Variants in TATDN2 observed in about 807,000 individuals in gnomAD.
TATDN2 encodes TatD DNase domain containing 2.
Under a neutral mutation model 60.3 loss-of-function variants are expected in TATDN2, and 44 were observed. That is an observed-to-expected ratio of 0.73 (90% confidence interval 0.57 to 0.94). TATDN2 has a LOEUF of 0.94. Ranked by LOEUF, TATDN2 falls within the 40% of genes least tolerant of loss-of-function variation. The pLI is 0.00. For synonymous variants in TATDN2, 399 were observed against 355.8 expected (o/e 1.12, Z -1.37); for missense variants, 997 against 948.0 (o/e 1.05, Z -0.68).
At chr3:10,252,131 G>A (rs1019646778) in intron 2 of TATDN2, among the ~76,000 whole-genome samples, 11 of 133,856 alleles carry the variant, frequency 8.2e-5, no homozygotes, top group Admixed American at 2.4e-4. Context: ...CTGGGCAACA[G>A]AGTGAGACTC....
At chr3:10,264,225 T>TCCAGTTCCC (rs1211374498) in intron 3 of TATDN2, among the ~76,000 whole-genome samples, 1 of 152,176 alleles carries the variant, frequency 6.6e-6, no homozygotes, top group African/African-American at 2.4e-5. Flanking sequence ...CTCCAGTTCC[T>TCCAGTTCCC]CCAGTTCCCA....
intron 2 of TATDN2, among the ~76,000 whole-genome samples, chr3:10,253,319 G>C (rs1698258208): frequency 6.6e-6 from 1 of 152,138 alleles, no homozygotes; most frequent in African/African-American, 2.4e-5. Context: ...TAAACTTTGA[G>C]GGTTACACAG....
At chr3:10,253,462 C>T (rs60840309) in intron 2 of TATDN2, among the ~76,000 whole-genome samples, 7,587 of 152,272 alleles carry the variant, frequency 0.05, 641 homozygotes, top group African/African-American at 0.17. Context: ...GACCTCACAT[C>T]GTTCCCTTCT....
In TATDN2 at chr3:10,278,851, C is replaced by T. The variant is rs186061295; in HGVS notation, c.2146-34C>T. The T allele has an allele frequency of 1.2e-6, 2 of 1,613,806 alleles. No individual in the cohort carries two copies. Among genetic ancestry groups the T allele is most frequent in the South Asian group, 2.2e-5 (2 of 91,068 alleles). ...CTAGATTATGACTGTGCACACATGG[C>T]ACAATGATGTTATGACCACTTGATG... On this transcript the variant is annotated intron_variant, in intron 6 of 7. Transcript: ENST00000448281. This position sits in a 1 kb window ranked among gnomAD's most constrained non-coding sequence, Gnocchi z 4.7.
Position 10,270,680 on chromosome 3 carries a change from T to G in TATDN2, c.1498T>G (p.Cys500Gly), listed in dbSNP as rs1479771529. The change falls in exon 4 of 8, where the codon TGT (cysteine) becomes GGT (glycine). Residue 500 changes from cysteine (C) to glycine (G), a missense_variant. Coordinates refer to ENST00000448281, the MANE Select transcript of TATDN2 (RefSeq NM_014760.4). ...SLEEGFIDTH[C>G]HLDMLYSKLS... ...AGAGGAGGGCTTCATTGACACTCAT[T>G]GTCACCTGGACATGCTCTATTCCAA... The G allele has an allele frequency of 6.2e-7, 1 of 1,614,120 alleles. No homozygotes were observed. Among genetic ancestry groups the G allele is most frequent in the Non-Finnish European group, 8.5e-7 (1 of 1,180,052 alleles).
intron 2 of TATDN2, among the ~76,000 whole-genome samples, chr3:10,257,862 TTTTTTTTTTTTTTTG>T (rs1407445510): frequency 0.052 from 5,286 of 102,066 alleles, 433 homozygotes; most frequent in African/African-American, 0.19. Context: ...TTTTTTTTTT[TTTTTTTTTTTTTTTG>T]GGAGATGGAG....
At chr3:10,262,855 C>G (rs1466187431) in intron 3 of TATDN2, among the ~76,000 whole-genome samples, 1 of 152,018 alleles carries the variant, frequency 6.6e-6, no homozygotes, top group East Asian at 1.9e-4. Context: ...TTCTTGATGT[C>G]TGAAGCTATG....
chr3:10,252,925 C>G (rs967206132), intron 2 of TATDN2, among the ~76,000 whole-genome samples: 3 of 147,000 alleles, frequency 2.0e-5, no homozygotes, highest in Admixed American at 1.4e-4. Context: ...GGTGCAATCT[C>G]GGCTCACTGC....
intron 4 of TATDN2, among the ~76,000 whole-genome samples, chr3:10,275,528 A>G (rs897002629): frequency 6.6e-6 from 1 of 152,074 alleles, no homozygotes; most frequent in African/African-American, 2.4e-5. Flanking sequence ...CGGGCAGATC[A>G]GTTGAGGTTA....
In TATDN2 at chr3:10,249,143, T is replaced by G. The variant is rs377605674; in HGVS notation, c.-6-52T>G. ...GGCCCGGGGTGGCGGGAATCTGAGGTGGGGTCGCCAGGAAGGGTGGTGTTG... is the reference window on the plus strand; with the variant it reads ...GGCCCGGGGTGGCGGGAATCTGAGGGGGGGTCGCCAGGAAGGGTGGTGTTG... On this transcript the variant is annotated intron_variant, in intron 1 of 7. Coordinates refer to ENST00000448281, the MANE Select transcript of TATDN2 (RefSeq NM_014760.4). 152 of 1,479,404 alleles carry G rather than the reference T, an allele frequency of 1.0e-4. 1 individual carries two copies. In the South Asian group the frequency reaches 2.0e-3, roughly 19 times the overall value. The allele number at this position is 1,479,404 out of a possible 1,614,324, so 91.6% of individuals were successfully genotyped here. A position where few individuals can be genotyped will look rare whatever the true frequency, so the allele number is the denominator to read the frequency against.
At chr3:10,257,262 A>G (rs2543996) in intron 2 of TATDN2, among the ~76,000 whole-genome samples, 43,541 of 148,018 alleles carry the variant, frequency 0.29, 8,444 homozygotes, top group East Asian at 0.97. Flanking sequence ...TCCAGCCTGG[A>G]CAACAGAGTG....
intron 4 of TATDN2, among the ~76,000 whole-genome samples, chr3:10,275,778 C>CAG (rs1553630025): frequency 2.0e-5 from 2 of 99,708 alleles, no homozygotes; most frequent in Non-Finnish European, 3.9e-5. Flanking sequence ...CAAAAAAAAA[C>CAG]AAAGCAAGTT....
intron 3 of TATDN2, 117 bp downstream of exon 3, chr3:10,260,787 C>T: frequency 8.2e-7 from 1 of 1,215,210 alleles, no homozygotes; most frequent in Non-Finnish European, 1.1e-6. Flanking sequence ...CTTAACCAGG[C>T]CTCCAGGGAA....
chr3:10,256,652 C>T (rs976700440), intron 2 of TATDN2, among the ~76,000 whole-genome samples: 2 of 151,980 alleles, frequency 1.3e-5, no homozygotes, highest in African/African-American at 4.8e-5. Flanking sequence ...TCAAATGGCA[C>T]CAGTTAGAGG....
Position 10,276,477 on chromosome 3 carries a change from C to T in TATDN2, c.1950C>T (p.Tyr650=), listed in dbSNP as rs1222619128. 6.2e-7 allele frequency: 1 copy of T among 1,613,800 alleles called. No homozygotes were observed. The highest frequency in any genetic ancestry group is 2.2e-5 in the East Asian group (1 of 44,876). ...EIMKKFVPPD[Y]KIHRHCFTGS... The stretch of plus-strand genomic sequence containing the variant: ...TGAAAAAGTTTGTGCCCCCTGACTA[C>T]AAGATCCATAGGTTAGAAGACTGGA... The change falls in exon 5 of 8, where the codon TAC becomes TAT. Residue 650 remains tyrosine, a synonymous_variant. Coordinates refer to ENST00000448281, the MANE Select transcript of TATDN2 (RefSeq NM_014760.4).
Position 10,260,690 on chromosome 3 carries a change from G to A in TATDN2, c.948+20G>A. ...CAAAAGGTGAGTAAAGCTTGTACCAGGCATCTGACTTTTTAGTTCTGTTGA... is the reference window on the plus strand; with the variant it reads ...CAAAAGGTGAGTAAAGCTTGTACCAAGCATCTGACTTTTTAGTTCTGTTGA... On this transcript the variant is annotated intron_variant, in intron 3 of 7. Coordinates refer to ENST00000448281, the MANE Select transcript of TATDN2 (RefSeq NM_014760.4). 1 of 1,595,490 alleles carries A rather than the reference G, an allele frequency of 6.3e-7. No individual in the cohort carries two copies. Among genetic ancestry groups the A allele is most frequent in the South Asian group, 1.1e-5 (1 of 88,414 alleles).
rs1044173683 is a variant in TATDN2 at position 10,281,115 on chromosome 3, T to C, written c.*1933T>C. 1.3e-5 allele frequency: 2 copies of C among 152,246 alleles called. No individual in the cohort carries two copies. The highest frequency in any genetic ancestry group is 4.8e-5 in the African/African-American group (2 of 41,460). 9.4% of individuals were successfully genotyped at this position (152,246 alleles called of 1,614,324 possible). ...ATTGGCATTGTTTTTGATTCAGCTT[T>C]TTGGATGGCTAATTGTTTTCACTGT... On this transcript the variant is annotated 3_prime_UTR_variant, in exon 8 of 8. Coordinates refer to ENST00000448281, the MANE Select transcript of TATDN2 (RefSeq NM_014760.4).
At chr3:10,279,112 T>C (rs970388365) in intron 7 of TATDN2, 49 bp downstream of exon 7, 2 of 1,491,698 alleles carry the variant, frequency 1.3e-6, no homozygotes, top group African/African-American at 1.4e-5. Context: ...ACAAGTCTTT[T>C]GTTGCATTTT....
intron 3 of TATDN2, among the ~76,000 whole-genome samples, chr3:10,261,461 C>T (rs1384630465): frequency 6.6e-6 from 1 of 151,814 alleles, no homozygotes. Context: ...ACCTCCACCT[C>T]CTGGGTTCAA....
Sources: allele counts gnomAD v4.1 joint callset (sites outside exome capture counted in the v4.1 genomes callset), GRCh38; gene constraint gnomAD v4.1.1; non-coding constraint Gnocchi (gnomAD v3.1); transcripts MANE v1.5; gene names NCBI Gene and HGNC (gene_info 2026-07-23, HGNC 2026-07-21).